ARHGAP8: variants seen among roughly 807,000 people sequenced by gnomAD.
ARHGAP8 encodes the protein Rho GTPase activating protein 8.
A neutral mutation model predicts 46.1 loss-of-function variants in ARHGAP8; 62 were observed. The ratio of observed to expected loss-of-function variants is 1.34; its 90% CI spans 1.10 to 1.66. The LOEUF (loss-of-function observed/expected upper bound fraction) is 1.66. Ranked by LOEUF, ARHGAP8 falls within the 40% of genes most tolerant of loss-of-function variation. ARHGAP8 has a pLI of 0.00. For synonymous variants in ARHGAP8, 375 were observed against 243.1 expected (o/e 1.54, Z -5.05); for missense variants, 923 against 568.4 (o/e 1.62, Z -6.34).
At chr22:44,859,669 C>G in intron 10 of ARHGAP8, 62 bp from the exon 11 acceptor site, 1 of 1,576,906 alleles carries the variant, frequency 6.3e-7, no homozygotes, top group Admixed American at 1.7e-5. Context: ...TCCTCCCGGG[C>G]CGGGATGCAG....
intron 1 of ARHGAP8, among the ~76,000 whole-genome samples, chr22:44,783,353 G>C (rs984882016): frequency 3.3e-5 from 5 of 151,852 alleles, no homozygotes; most frequent in Admixed American, 3.3e-4. Context: ...CAGGCGGGCA[G>C]TCCATTTCAC....
chr22:44,777,448 G>A (rs1926507689), intron 1 of ARHGAP8, among the ~76,000 whole-genome samples: 1 of 151,978 alleles, frequency 6.6e-6, no homozygotes, highest in South Asian at 2.1e-4. Flanking sequence ...CACTAGCCAG[G>A]TAGGTTCATG....
chr22:44,805,737 G>A (rs1465928651), intron 3 of ARHGAP8, among the ~76,000 whole-genome samples: 1 of 152,194 alleles, frequency 6.6e-6, no homozygotes, highest in African/African-American at 2.4e-5. Flanking sequence ...GCCTTGATAA[G>A]AAGAGCCATC....
At chr22:44,862,189 C>A in intron 11 of ARHGAP8, 86 bp from the exon 12 acceptor site, 1 of 1,486,582 alleles carries the variant, frequency 6.7e-7, no homozygotes, top group Non-Finnish European at 9.0e-7. Flanking sequence ...ACTACACCTA[C>A]GCCTCTCCCT....
At chr22:44,773,608 G>T (rs1221346273) in intron 1 of ARHGAP8, among the ~76,000 whole-genome samples, 1 of 152,044 alleles carries the variant, frequency 6.6e-6, no homozygotes, top group East Asian at 1.9e-4. Context: ...TTGAGACAGG[G>T]TTTCATTCCT....
At chr22:44,825,806 T>TG (rs898328183) in intron 7 of ARHGAP8, among the ~76,000 whole-genome samples, 3 of 98,300 alleles carry the variant, frequency 3.1e-5, no homozygotes, top group East Asian at 3.1e-4. Context: ...GGTGCCTGGT[T>TG]GGGGGGCGCA....
intron 11 of ARHGAP8, among the ~76,000 whole-genome samples, chr22:44,861,287 T>C (rs1272073017): frequency 6.6e-6 from 1 of 152,184 alleles, no homozygotes; most frequent in Non-Finnish European, 1.5e-5. Flanking sequence ...TCTTTTTCAT[T>C]AGGAGAGACT....
chr22:44,860,275 A>G (rs2070407238), intron 11 of ARHGAP8, among the ~76,000 whole-genome samples: 1 of 152,204 alleles, frequency 6.6e-6, no homozygotes, highest in East Asian at 1.9e-4. Flanking sequence ...GGGTGCCTTA[A>G]AACAGATTTA....
At chr22:44,804,201 C>T (rs982224344) in intron 3 of ARHGAP8, among the ~76,000 whole-genome samples, 7 of 152,210 alleles carry the variant, frequency 4.6e-5, no homozygotes, top group Admixed American at 3.9e-4. Flanking sequence ...GCCTTGGGCG[C>T]CCTGTCATCC....
At chr22:44,811,156 A>G (rs1056929309) in intron 4 of ARHGAP8, among the ~76,000 whole-genome samples, 4 of 152,236 alleles carry the variant, frequency 2.6e-5, no homozygotes, top group African/African-American at 4.8e-5. Context: ...TGGTTCGCAC[A>G]TAAGGAGTGG....
At chr22:44,859,886 A>G (rs761829062) in intron 11 of ARHGAP8, 52 bp downstream of exon 11, 6 of 1,595,690 alleles carry the variant, frequency 3.8e-6, no homozygotes, top group Non-Finnish European at 5.1e-6. Flanking sequence ...CTTCCCTCCC[A>G]TGCTGGGCCC....
chr22:44,801,469 G>T (rs1928542039), intron 2 of ARHGAP8, among the ~76,000 whole-genome samples: 1 of 56,252 alleles, frequency 1.8e-5, no homozygotes, highest in South Asian at 8.2e-4. Flanking sequence ...GTGTGTGGGG[G>T]CACCTCTCCC....
At chr22:44,778,262 T>G (rs961702394) in intron 1 of ARHGAP8, among the ~76,000 whole-genome samples, 1 of 152,168 alleles carries the variant, frequency 6.6e-6, no homozygotes, top group African/African-American at 2.4e-5. Flanking sequence ...CTCCCACTTA[T>G]GAGAACGTAA....
chr22:44,760,596 T>C (rs1269862424), intron 1 of ARHGAP8, among the ~76,000 whole-genome samples: 1 of 152,202 alleles, frequency 6.6e-6, no homozygotes, highest in Non-Finnish European at 1.5e-5. Context: ...GACTTGCCAC[T>C]CAAATTAAGT....
chr22:44,775,970 G>T (rs942396421), intron 1 of ARHGAP8, among the ~76,000 whole-genome samples: 5 of 152,216 alleles, frequency 3.3e-5, no homozygotes, highest in Non-Finnish European at 7.4e-5. Context: ...GAAACCAGTA[G>T]CCTTCCTGAT....
chr22:44,774,711 C>T (rs554082376), intron 1 of ARHGAP8, among the ~76,000 whole-genome samples: 3 of 151,676 alleles, frequency 2.0e-5, no homozygotes, highest in African/African-American at 4.8e-5. Flanking sequence ...TTAGTAGAGA[C>T]GGATTTTACC....
At chr22:44,762,557 T>TG (rs1278598302) in intron 1 of ARHGAP8, among the ~76,000 whole-genome samples, 1 of 150,800 alleles carries the variant, frequency 6.6e-6, no homozygotes, top group African/African-American at 2.4e-5. Flanking sequence ...TTTTTTTTTT[T>TG]TTTTGAGATG....
At chr22:44,803,398 TGAACA>T (rs1181365515) in intron 3 of ARHGAP8, among the ~76,000 whole-genome samples, 1 of 152,154 alleles carries the variant, frequency 6.6e-6, no homozygotes, top group African/African-American at 2.4e-5. Flanking sequence ...TTTACTGCAT[TGAACA>T]GAACCCTTTG....
chr22:44,862,205 C>A (rs55835222), intron 11 of ARHGAP8, 70 bp from the exon 12 acceptor site: 1 of 1,519,362 alleles, frequency 6.6e-7, no homozygotes, highest in Non-Finnish European at 8.9e-7. Flanking sequence ...TCCCTAAGTT[C>A]GGGAGGGAGT....
Sources: gnomAD v4.1 joint callset for allele counts (sites outside exome capture counted in the v4.1 genomes callset) on GRCh38, gnomAD v4.1.1 for gene constraint, MANE v1.5 for transcripts, NCBI Gene and HGNC (gene_info 2026-07-23, HGNC 2026-07-21) for gene names.